Variants in PALM2AKAP2 observed in about 807,000 individuals in gnomAD.
The protein encoded by PALM2AKAP2 is PALM2-AKAP2 fusion protein.
Under a neutral mutation model 71.5 loss-of-function variants are expected in PALM2AKAP2, and 37 were observed. The observed-to-expected ratio is 0.52, with a 90% CI of 0.40 to 0.68. The LOEUF is 0.68. Ranked by LOEUF, PALM2AKAP2 falls within the 30% of genes least tolerant of loss-of-function variation. The pLI is 0.00. For missense variants in PALM2AKAP2, 1,224 were observed against 1,191.8 expected (o/e 1.03, Z -0.40); for synonymous variants, 468 against 478.8 (o/e 0.98, Z 0.29).
At chr9:109,834,722 G>C (rs1828408456) in intron 1 of PALM2AKAP2, among the ~76,000 whole-genome samples, 1 of 152,146 alleles carries the variant, frequency 6.6e-6, no homozygotes, top group Non-Finnish European at 1.5e-5. Context: ...TGAGTATGGT[G>C]AAGGACCTCT....
intron 1 of PALM2AKAP2, among the ~76,000 whole-genome samples, chr9:110,134,443 A>G (rs1018355966): frequency 6.6e-6 from 1 of 152,218 alleles, no homozygotes; most frequent in African/African-American, 2.4e-5. Context: ...GATGTTGACA[A>G]AAGAGGAACA....
intron 6 of PALM2AKAP2, among the ~76,000 whole-genome samples, chr9:109,994,524 C>T (rs371754506): frequency 6.6e-6 from 1 of 152,186 alleles, no homozygotes; most frequent in East Asian, 1.9e-4. Context: ...GCTTTCAGCA[C>T]ATTTAGCCCC....
intron 1 of PALM2AKAP2, among the ~76,000 whole-genome samples, chr9:109,732,828 G>A (rs1031231612): frequency 3.3e-5 from 5 of 152,196 alleles, no homozygotes; most frequent in African/African-American, 1.2e-4. Context: ...TCTTTCTGAG[G>A]TGGTGGAGCA....
intron 6 of PALM2AKAP2, among the ~76,000 whole-genome samples, chr9:109,989,135 G>C (rs1345329071): frequency 6.6e-6 from 1 of 152,114 alleles, no homozygotes; most frequent in Non-Finnish European, 1.5e-5. Flanking sequence ...TGTGTTGAGA[G>C]GTCAAAAATT....
intron 1 of PALM2AKAP2, among the ~76,000 whole-genome samples, chr9:109,757,248 T>C (rs1828977858): frequency 6.6e-6 from 1 of 152,136 alleles, no homozygotes; most frequent in Admixed American, 6.6e-5. Context: ...ATAATTTTAC[T>C]TAACATAATA....
intron 6 of PALM2AKAP2, among the ~76,000 whole-genome samples, chr9:109,989,304 C>A (rs1832434930): frequency 6.6e-6 from 1 of 152,170 alleles, no homozygotes; most frequent in Admixed American, 6.5e-5. Flanking sequence ...CAATGAATGG[C>A]AAGGCAAGCA....
intron 1 of PALM2AKAP2, among the ~76,000 whole-genome samples, chr9:110,081,310 A>G (rs1834443159): frequency 6.6e-6 from 1 of 152,254 alleles, no homozygotes; most frequent in Non-Finnish European, 1.5e-5. Flanking sequence ...GAAAAAATCC[A>G]CAACTCGCAC....
At chr9:109,932,484 TTCCTAAGTCTTCCCA>T (rs1831129216) in intron 6 of PALM2AKAP2, among the ~76,000 whole-genome samples, 1 of 152,268 alleles carries the variant, frequency 6.6e-6, no homozygotes, top group African/African-American at 2.4e-5. Context: ...AATACATATA[TTCCTAAGTCTTCCCA>T]TTTCTGGAAT....
At chr9:109,693,592 A>AT (rs1361517113) in intron 1 of PALM2AKAP2, among the ~76,000 whole-genome samples, 1 of 151,994 alleles carries the variant, frequency 6.6e-6, no homozygotes, top group Non-Finnish European at 1.5e-5. Flanking sequence ...TACACTATAA[A>AT]TTCTCTCTAG....
At chr9:109,901,972 C>T (rs1442039133) in intron 3 of PALM2AKAP2, among the ~76,000 whole-genome samples, 1 of 152,176 alleles carries the variant, frequency 6.6e-6, no homozygotes, top group Non-Finnish European at 1.5e-5. Context: ...GTCTCCTTTT[C>T]TTTTTCTTTT....
chr9:109,690,323 AAATCTTTTTCT>A (rs1352081971), intron 1 of PALM2AKAP2, among the ~76,000 whole-genome samples: 1 of 152,226 alleles, frequency 6.6e-6, no homozygotes, highest in Non-Finnish European at 1.5e-5. Context: ...TTAGAGGAAT[AAATCTTTTTCT>A]TTTTAGGATA....
intron 1 of PALM2AKAP2, among the ~76,000 whole-genome samples, chr9:109,818,944 A>G (rs962470128): frequency 1.3e-5 from 2 of 152,234 alleles, no homozygotes; most frequent in Non-Finnish European, 2.9e-5. Context: ...CATGTAGGTT[A>G]CAAGTTCATT....
chr9:110,035,980 C>T (rs557355619), intron 7 of PALM2AKAP2, among the ~76,000 whole-genome samples: 93 of 151,672 alleles, frequency 6.1e-4, no homozygotes, highest in African/African-American at 2.1e-3. Context: ...CTTGCTCTGT[C>T]GCCCAGGCTC....
At chr9:109,660,867 C>T (rs1229236492) in intron 1 of PALM2AKAP2, among the ~76,000 whole-genome samples, 2 of 152,122 alleles carry the variant, frequency 1.3e-5, no homozygotes, top group Admixed American at 6.5e-5. Flanking sequence ...TTCTAACTGG[C>T]ATGAGATGGT....
intron 3 of PALM2AKAP2, among the ~76,000 whole-genome samples, chr9:109,901,589 G>A (rs920583810): frequency 1.5e-4 from 23 of 152,138 alleles, no homozygotes; most frequent in Non-Finnish European, 2.9e-5. Context: ...CAGCTCACAG[G>A]GGCCTCTGAA....
intron 1 of PALM2AKAP2, among the ~76,000 whole-genome samples, chr9:110,073,700 C>T (rs1834258841): frequency 6.6e-6 from 1 of 152,154 alleles, no homozygotes; most frequent in Non-Finnish European, 1.5e-5. Context: ...TGGCAAACTG[C>T]AGTGTCTACA....
chr9:109,931,867 G>C lies in PALM2AKAP2; in HGVS notation c.395-60G>C. On this transcript the variant is annotated intron_variant, in intron 5 of 9. Transcript: ENST00000302798. ...GGGCAGACAAGCTGCTGTCTCGGCA[G>C]TGAACCCATTGGGCCTCCCAACACT... 1.9e-6 allele frequency: 3 copies of C among 1,577,098 alleles called. No individual in the cohort carries two copies. The South Asian group carries it at 3.4e-5, about 18-fold the overall frequency.
intron 1 of PALM2AKAP2, among the ~76,000 whole-genome samples, chr9:109,801,499 T>TA: frequency 6.6e-6 from 1 of 152,218 alleles, no homozygotes; most frequent in African/African-American, 2.4e-5. Flanking sequence ...TCGATAAAAT[T>TA]AAAATGTTTT....
intron 6 of PALM2AKAP2, among the ~76,000 whole-genome samples, chr9:109,986,632 T>G (rs1313259064): frequency 6.6e-6 from 1 of 152,236 alleles, no homozygotes; most frequent in Non-Finnish European, 1.5e-5. Context: ...TTGTGACATA[T>G]TTTTGGAAAT....
Sources: allele counts gnomAD v4.1 joint callset (sites outside exome capture counted in the v4.1 genomes callset), GRCh38; gene constraint gnomAD v4.1.1; transcripts MANE v1.5; gene names NCBI Gene and HGNC (gene_info 2026-07-23, HGNC 2026-07-21).